HOOK3: variants seen among roughly 807,000 people sequenced by gnomAD.
HOOK3 encodes the protein hook microtubule tethering protein 3, also known as protein Hook homolog 3.
In HOOK3, 24 loss-of-function variants were observed where a neutral mutation model predicts 116.3. The ratio of observed to expected loss-of-function variants is 0.21; its 90% CI spans 0.15 to 0.29. The LOEUF is 0.29. Among genes scored for constraint, HOOK3 ranks in the 10% least tolerant of loss-of-function variants. HOOK3 has a pLI of 1.00. For synonymous variants in HOOK3, 275 were observed against 283.0 expected (o/e 0.97, Z 0.28); for missense variants, 632 against 830.2 (o/e 0.76, Z 2.93).
Position 43,021,079 on chromosome 8 carries a change from C to A in HOOK3, c.*2581C>A, listed in dbSNP as rs906171966. ...ATGGCGCCATTGCACCCCAGCCTGG[C>A]GACAAGAGCGAAACTCTGTCGCAAG... is the stretch of plus-strand genomic sequence containing the variant. On this transcript the variant is annotated 3_prime_UTR_variant, in exon 22 of 22. Coordinates refer to ENST00000307602, the MANE Select transcript of HOOK3 (RefSeq NM_032410.4). The A allele has an allele frequency of 7.5e-6, 1 of 133,220 alleles. No individual in the cohort carries two copies. The highest frequency in any genetic ancestry group is 2.6e-4 in the South Asian group (1 of 3,850). The allele number at this position is 133,220 out of a possible 1,614,324, so 8.3% of individuals were successfully genotyped here.
chr8:42,979,301 A>G (rs1292944538), intron 13 of HOOK3, among the ~76,000 whole-genome samples: 1 of 152,154 alleles, frequency 6.6e-6, no homozygotes, highest in Non-Finnish European at 1.5e-5. Context: ...TCTTTTAAGT[A>G]CATCAGACTT....
rs752716458 is a variant in HOOK3 at position 43,013,041 on chromosome 8, T to C, written c.1840-10T>C. 1 of 1,555,546 alleles carries C rather than the reference T, an allele frequency of 6.4e-7. No homozygotes were observed. Among genetic ancestry groups the C allele is most frequent in the Admixed American group, 1.9e-5 (1 of 52,350 alleles). On this transcript the variant is annotated splice_polypyrimidine_tract_variant and intron_variant, in intron 19 of 21. Transcript: ENST00000307602. ...GACTTTTTAAATTTTTCTTTTATTA[T>C]TTTTTGCAGGTCATCCGTACTTTAG...
intron 10 of HOOK3, among the ~76,000 whole-genome samples, chr8:42,967,196 C>T (rs1342922915): frequency 3.9e-5 from 6 of 152,044 alleles, no homozygotes; most frequent in Non-Finnish European, 7.4e-5. Flanking sequence ...TTCCCAATGG[C>T]CCGCCCTCCC....
chr8:42,900,953 G>C (rs1807174503), intron 1 of HOOK3, among the ~76,000 whole-genome samples: 1 of 152,152 alleles, frequency 6.6e-6, no homozygotes, highest in Non-Finnish European at 1.5e-5. Context: ...TGCCATTGTT[G>C]GTGACATAGG....
At chr8:42,908,692 A>G (rs1020703298) in intron 2 of HOOK3, among the ~76,000 whole-genome samples, 1 of 152,224 alleles carries the variant, frequency 6.6e-6, no homozygotes, top group South Asian at 2.1e-4. Flanking sequence ...AAACATACCT[A>G]CTGAATTTGA....
At position 43,019,753 on chromosome 8, in the gene HOOK3, A is replaced by G. The variant is rs1384608274; in HGVS notation, c.*1255A>G. The G allele has an allele frequency of 4.9e-6, 1 of 205,060 alleles. No individual in the cohort carries two copies. The highest frequency in any genetic ancestry group is 2.3e-5 in the African/African-American group (1 of 43,792). The allele number at this position is 205,060 out of a possible 1,614,324, so 12.7% of individuals were successfully genotyped here. A position where few individuals can be genotyped will look rare whatever the true frequency, so the allele number is the denominator to read the frequency against. On this transcript the variant is annotated 3_prime_UTR_variant, in exon 22 of 22. Coordinates refer to ENST00000307602, the MANE Select transcript of HOOK3 (RefSeq NM_032410.4). ...TATAAGTGTGAAATATCATTCATTT[A>G]TAAATGAAATGCCTTCTAACTTTCC...
chr8:43,014,382 C>T (rs538986003), intron 21 of HOOK3, among the ~76,000 whole-genome samples: 159 of 151,458 alleles, frequency 1.0e-3, no homozygotes, highest in Middle Eastern at 3.4e-3. Flanking sequence ...GATAGAGTCT[C>T]GCTGTGTATC....
At chr8:43,016,415 C>T (rs978542472) in intron 21 of HOOK3, among the ~76,000 whole-genome samples, 9 of 152,212 alleles carry the variant, frequency 5.9e-5, no homozygotes, top group African/African-American at 1.9e-4. Context: ...CCACCGCGCC[C>T]GGCCAGAATA....
Position 42,987,652 on chromosome 8 carries a change from A to G in HOOK3, c.1532+857A>G, listed in dbSNP as rs537026474. ...AGAATTTAGAATTTGCAAAATTAAC[A>G]GGAAAATCACTTTTCTGCTTGTAAG... On this transcript the variant is annotated intron_variant, in intron 15 of 21. Transcript: ENST00000307602. Among the ~76,000 whole-genome samples, 189 of 152,318 alleles carry G rather than the reference A, an allele frequency of 1.2e-3. 1 individual carries two copies. The highest frequency in any genetic ancestry group is 4.3e-3 in the African/African-American group (177 of 41,564).
chr8:42,944,761 T>C (rs1307411490), intron 5 of HOOK3, among the ~76,000 whole-genome samples: 2 of 151,870 alleles, frequency 1.3e-5, no homozygotes, highest in Admixed American at 6.6e-5. Flanking sequence ...GGAGGTTGCA[T>C]TGAGCCAAGA....
chr8:42,923,482 A>C (rs1459064826), intron 2 of HOOK3, among the ~76,000 whole-genome samples: 1 of 152,228 alleles, frequency 6.6e-6, no homozygotes, highest in Non-Finnish European at 1.5e-5. Context: ...TTATTTAGCC[A>C]CAAAAAGGAA....
At chr8:42,921,988 C>A (rs1203350188) in intron 2 of HOOK3, among the ~76,000 whole-genome samples, 3 of 152,086 alleles carry the variant, frequency 2.0e-5, no homozygotes, top group East Asian at 1.9e-4. Context: ...AAATTGGTTT[C>A]TCTTAATAAC....
At chr8:43,016,157 G>A (rs1423604978) in intron 21 of HOOK3, among the ~76,000 whole-genome samples, 3 of 145,840 alleles carry the variant, frequency 2.1e-5, no homozygotes, top group South Asian at 2.2e-4. Context: ...TTTCTCTGTC[G>A]CCCAGGCTGG....
At chr8:42,958,824 A>G (rs1182492896) in intron 7 of HOOK3, among the ~76,000 whole-genome samples, 2 of 151,942 alleles carry the variant, frequency 1.3e-5, no homozygotes, top group Non-Finnish European at 2.9e-5. Context: ...TAAGGTTTTA[A>G]TATAACGAAA....
intron 7 of HOOK3, among the ~76,000 whole-genome samples, chr8:42,957,696 C>G (rs1808460685): frequency 6.6e-6 from 1 of 151,920 alleles, no homozygotes; most frequent in African/African-American, 2.4e-5. Context: ...TCTTCTCGAT[C>G]CCACCCCTCA....
chr8:42,904,578 T>G (rs1237385005), intron 1 of HOOK3, among the ~76,000 whole-genome samples: 1 of 152,198 alleles, frequency 6.6e-6, no homozygotes, highest in African/African-American at 2.4e-5. Context: ...CCCAAAGTGC[T>G]GGGATTACAG....
At chr8:42,920,604 C>G (rs1050590351) in intron 2 of HOOK3, among the ~76,000 whole-genome samples, 1 of 152,124 alleles carries the variant, frequency 6.6e-6, no homozygotes, top group Non-Finnish European at 1.5e-5. Context: ...TGACGCTGGT[C>G]TTTTTCTACT....
chr8:43,010,135 A>T (rs534371142), intron 18 of HOOK3, among the ~76,000 whole-genome samples, 170 bp from the exon 19 acceptor site: 179 of 150,416 alleles, frequency 1.2e-3, no homozygotes, highest in African/African-American at 4.2e-3. Flanking sequence ...GAATTTTTTT[A>T]AAATAAAATT....
chr8:42,956,472 A>G (rs1031844047), intron 6 of HOOK3, among the ~76,000 whole-genome samples: 4 of 152,124 alleles, frequency 2.6e-5, no homozygotes, highest in Non-Finnish European at 5.9e-5. Flanking sequence ...AATGAGCATC[A>G]GAATTTAGAC....
Sources: allele counts gnomAD v4.1 joint callset (sites outside exome capture counted in the v4.1 genomes callset), GRCh38; gene constraint gnomAD v4.1.1; transcripts MANE v1.5; gene names NCBI Gene and HGNC (gene_info 2026-07-23, HGNC 2026-07-21).